Variants in TIAM1 observed in about 807,000 individuals in gnomAD.
TIAM1 encodes TIAM Rac1 associated GEF 1.
In TIAM1, 65 loss-of-function variants were observed where a neutral mutation model predicts 163.5. The observed-to-expected ratio is 0.40, with a 90% CI of 0.33 to 0.49. The LOEUF (loss-of-function observed/expected upper bound fraction) is 0.49. Among genes scored for constraint, TIAM1 ranks in the 20% least tolerant of loss-of-function variants. The pLI, the probability that TIAM1 is intolerant of heterozygous loss-of-function variation, is 0.77. For synonymous variants in TIAM1, 833 were observed against 810.1 expected (o/e 1.03, Z -0.48); for missense variants, 1,789 against 2,044.7 (o/e 0.87, Z 2.41).
Position 31,463,585 on chromosome 21 carries a change from A to G in TIAM1, c.-369+398T>C, listed in dbSNP as rs563273404. 7.2e-5 allele frequency among the ~76,000 whole-genome samples: 11 copies of G among 152,288 alleles called. No individual in the cohort carries two copies. The South Asian group carries it at 2.3e-3, about 32-fold the overall frequency. On this transcript the variant is annotated intron_variant, in intron 2 of 28. Coordinates refer to the TIAM1 transcript ENST00000286827. ...GTAATCCCAGCACTTTGGGAGGCCG[A>G]GGCAGACGGATCACCTGAGGTAAGG... is the stretch of plus-strand genomic sequence containing the variant.
chr21:31,130,578 A>G (rs2082378905), intron 24 of TIAM1, among the ~76,000 whole-genome samples: 2 of 152,164 alleles, frequency 1.3e-5, no homozygotes, highest in Non-Finnish European at 1.5e-5. Flanking sequence ...AGGATCCCAA[A>G]AGAAGAACAG....
intron 17 of TIAM1, among the ~76,000 whole-genome samples, chr21:31,153,444 A>C (rs2083470744): frequency 1.3e-5 from 2 of 152,164 alleles, no homozygotes; most frequent in Admixed American, 6.5e-5. Flanking sequence ...TGTTCTCATC[A>C]AACTTTATTT....
intron 9 of TIAM1, among the ~76,000 whole-genome samples, chr21:31,215,988 C>T (rs2087184694): frequency 6.6e-6 from 1 of 152,084 alleles, no homozygotes; most frequent in Non-Finnish European, 1.5e-5. Context: ...TGGTGAAACC[C>T]CATCTCTACT....
chr21:31,550,826 G>A (rs1277268064), intron 1 of TIAM1, among the ~76,000 whole-genome samples: 1 of 152,096 alleles, frequency 6.6e-6, no homozygotes, highest in Admixed American at 6.6e-5. Flanking sequence ...ATTTCACAAG[G>A]GCAGGGAGGG....
At chr21:31,428,036 T>G (rs1165573368) in intron 2 of TIAM1, among the ~76,000 whole-genome samples, 1 of 151,234 alleles carries the variant, frequency 6.6e-6, no homozygotes, top group Non-Finnish European at 1.5e-5. Flanking sequence ...CCGAAGCGGG[T>G]GGATCACCTG....
chr21:31,221,653 A>G (rs2087566625), intron 8 of TIAM1, among the ~76,000 whole-genome samples: 1 of 152,234 alleles, frequency 6.6e-6, no homozygotes, highest in Non-Finnish European at 1.5e-5. Flanking sequence ...TTTCTCCAAA[A>G]TCTAGCAAGG....
chr21:31,540,124 G>C (rs560860010), intron 1 of TIAM1, among the ~76,000 whole-genome samples: 1 of 152,166 alleles, frequency 6.6e-6, no homozygotes, highest in Non-Finnish European at 1.5e-5. Context: ...AGTGGCTCAC[G>C]CCTATAATCC....
At chr21:31,424,485 G>A (rs2147265890) in intron 2 of TIAM1, among the ~76,000 whole-genome samples, 1 of 152,254 alleles carries the variant, frequency 6.6e-6, no homozygotes, top group Middle Eastern at 3.4e-3. Flanking sequence ...TCTGACACAT[G>A]CTACAATATG....
At chr21:31,177,634 A>G (rs2084823533) in intron 15 of TIAM1, among the ~76,000 whole-genome samples, 1 of 152,196 alleles carries the variant, frequency 6.6e-6, no homozygotes, top group Non-Finnish European at 1.5e-5. Flanking sequence ...TTCCAAAGAA[A>G]TGGACTAAGT....
intron 2 of TIAM1, among the ~76,000 whole-genome samples, chr21:31,431,349 G>A (rs976279978): frequency 6.6e-6 from 1 of 152,176 alleles, no homozygotes; most frequent in Non-Finnish European, 1.5e-5. Flanking sequence ...TATACCCCTA[G>A]AATTTCTGAT....
At chr21:31,142,304 G>A (rs569160576) in intron 20 of TIAM1, among the ~76,000 whole-genome samples, 140 of 151,988 alleles carry the variant, frequency 9.2e-4, no homozygotes, top group African/African-American at 3.2e-3. Context: ...GCATTTCACT[G>A]CTGGAAAAAC....
intron 1 of TIAM1, among the ~76,000 whole-genome samples, chr21:31,467,697 C>G (rs1192400827): frequency 6.6e-6 from 1 of 151,774 alleles, no homozygotes; most frequent in Non-Finnish European, 1.5e-5. Flanking sequence ...TGGTGGCATG[C>G]CTGTAGTCCC....
intron 2 of TIAM1, among the ~76,000 whole-genome samples, chr21:31,427,744 G>A (rs1180326217): frequency 4.6e-5 from 7 of 151,994 alleles, no homozygotes; most frequent in African/African-American, 1.7e-4. Flanking sequence ...TGAGGCGGGA[G>A]GATTGCTTGA....
intron 6 of TIAM1, among the ~76,000 whole-genome samples, chr21:31,226,665 G>A (rs1342824172): frequency 2.0e-5 from 3 of 152,194 alleles, no homozygotes; most frequent in Admixed American, 2.0e-4. Flanking sequence ...TCAAGAGACA[G>A]CACATGTGAT....
intron 9 of TIAM1, among the ~76,000 whole-genome samples, chr21:31,215,386 C>T (rs1387098977): frequency 1.3e-5 from 2 of 151,746 alleles, no homozygotes; most frequent in African/African-American, 2.4e-5. Context: ...GTCAGGAGTT[C>T]GAGACCATCC....
At chr21:31,274,158 T>C (rs1327389076) in intron 3 of TIAM1, among the ~76,000 whole-genome samples, 1 of 151,966 alleles carries the variant, frequency 6.6e-6, no homozygotes, top group East Asian at 1.9e-4. Context: ...GAGGCTGCAG[T>C]GAGCCAAGAT....
intron 15 of TIAM1, among the ~76,000 whole-genome samples, chr21:31,177,534 G>C (rs2084817127): frequency 1.3e-5 from 2 of 152,208 alleles, no homozygotes; most frequent in South Asian, 4.1e-4. Flanking sequence ...TTGAACCTGG[G>C]AGGCAGAGGT....
intron 2 of TIAM1, among the ~76,000 whole-genome samples, chr21:31,388,676 AAC>A (rs2076919916): frequency 6.6e-6 from 1 of 151,710 alleles, no homozygotes; most frequent in African/African-American, 2.4e-5. Flanking sequence ...TAAAAAAAAA[AAC>A]AGAGAAAGTG....
chr21:31,534,312 TAAC>T (rs1231304283), intron 1 of TIAM1, among the ~76,000 whole-genome samples: 1 of 152,186 alleles, frequency 6.6e-6, no homozygotes, highest in African/African-American at 2.4e-5. Context: ...CAACCAGACT[TAAC>T]AACAGGAAAC....
Sources: allele counts gnomAD v4.1 joint callset (sites outside exome capture counted in the v4.1 genomes callset), GRCh38; gene constraint gnomAD v4.1.1; transcripts MANE v1.5; gene names NCBI Gene and HGNC (gene_info 2026-07-23, HGNC 2026-07-21).